Variants in FGD4 observed in about 807,000 individuals in gnomAD.
FGD4 encodes the protein FYVE, RhoGEF and PH domain containing 4.
A neutral mutation model predicts 102.0 loss-of-function variants in FGD4; 42 were observed. That is an observed-to-expected ratio of 0.41 (90% CI 0.32 to 0.53). The LOEUF (loss-of-function observed/expected upper bound fraction) is 0.53. Ranked by LOEUF, FGD4 falls within the 20% of genes least tolerant of loss-of-function variation. The pLI is 0.21. For synonymous variants in FGD4, 380 were observed against 375.7 expected (o/e 1.01, Z -0.13); for missense variants, 902 against 1,078.2 (o/e 0.84, Z 2.29).
intron 4 of FGD4, among the ~76,000 whole-genome samples, chr12:32,588,437 T>C (rs1024482854): frequency 1.3e-5 from 2 of 151,678 alleles, no homozygotes; most frequent in Non-Finnish European, 2.9e-5. Context: ...TGGCTATTAG[T>C]GTGAATTCAC....
chr12:32,445,935 G>A (rs1591916391), intron 1 of FGD4, among the ~76,000 whole-genome samples: 1 of 152,194 alleles, frequency 6.6e-6, no homozygotes, highest in East Asian at 1.9e-4. Flanking sequence ...GTGAGGCCAA[G>A]GTGGGCAGAT....
chr12:32,541,959 AG>A (rs1023324527), intron 1 of FGD4, among the ~76,000 whole-genome samples: 1 of 133,402 alleles, frequency 7.5e-6, no homozygotes, highest in South Asian at 2.2e-4. Flanking sequence ...TTTTTTCCTC[AG>A]GGAAAAAAAA....
At chr12:32,604,936 CTT>C (rs575943561) in intron 7 of FGD4, among the ~76,000 whole-genome samples, 5 of 94,538 alleles carry the variant, frequency 5.3e-5, no homozygotes, top group African/African-American at 5.0e-5. Flanking sequence ...TTTATAGCTG[CTT>C]TTTTTTTTTT....
intron 1 of FGD4, among the ~76,000 whole-genome samples, chr12:32,547,711 C>T (rs1943335410): frequency 1.3e-5 from 2 of 152,108 alleles, no homozygotes; most frequent in African/African-American, 2.4e-5. Context: ...ACTATGAAAT[C>T]CCAAGTCTTT....
rs1164617436 is a variant in FGD4 at position 32,582,025 on chromosome 12, C to CA, written c.570dup (p.Gly191ArgfsTer25). The CA allele has an allele frequency of 6.2e-7, 1 of 1,614,130 alleles. No homozygotes were observed. Among genetic ancestry groups the CA allele is most frequent in the South Asian group, 1.1e-5 (1 of 91,088 alleles). On this transcript the variant is annotated frameshift_variant, in exon 4 of 17. Coordinates refer to ENST00000534526, the MANE Select transcript of FGD4 (RefSeq NM_001370298.3). LOFTEE classifies it high-confidence loss of function. ...GTGAACCTAAATGCTCCTAGAACCC[C>CA]AGGAAGGCATGGATTGACAACCACA...
At chr12:32,637,155 C>T (rs1244746501) in intron 15 of FGD4, among the ~76,000 whole-genome samples, 1 of 149,466 alleles carries the variant, frequency 6.7e-6, no homozygotes, top group Non-Finnish European at 1.5e-5. Flanking sequence ...TCCCAAAGTG[C>T]GGGGATTACA....
At chr12:32,526,924 T>C (rs936336945) in intron 1 of FGD4, among the ~76,000 whole-genome samples, 15 of 152,176 alleles carry the variant, frequency 9.9e-5, no homozygotes, top group African/African-American at 3.4e-4. Context: ...TCAGATATAG[T>C]ATTACGTCGC....
chr12:32,625,024 A>G lies in FGD4; in HGVS notation c.2002A>G (p.Arg668Gly). 1 of 1,613,474 alleles carries G rather than the reference A, an allele frequency of 6.2e-7. No individual in the cohort carries two copies. Among genetic ancestry groups the G allele is most frequent in the Non-Finnish European group, 8.5e-7 (1 of 1,179,588 alleles). ...TTTTCATCAAAGGCATGAAACCTTC[A>G]GAAATGCAATTGCAAAGGATAATGA... is the stretch of plus-strand genomic sequence containing the variant. ...DAFHQRHETF[R>G]NAIAKDNDIH... Residue 668 changes from arginine to glycine, a missense_variant, in exon 13 of 17, where the codon AGA becomes GGA. This residue lies in a region of FGD4 where 459 missense variants were observed against 619.0 expected (regional missense o/e 0.74). Coordinates refer to ENST00000534526, the MANE Select transcript of FGD4 (RefSeq NM_001370298.3).
At chr12:32,600,654 A>G (rs746080354) in intron 5 of FGD4, 12 of 198,072 alleles carry the variant, frequency 6.1e-5, no homozygotes, top group Non-Finnish European at 1.1e-4. Flanking sequence ...TTTTCCCCCT[A>G]CATATCAGTG....
intron 1 of FGD4, among the ~76,000 whole-genome samples, chr12:32,503,895 G>T (rs1038738805): frequency 3.9e-5 from 6 of 152,250 alleles, no homozygotes; most frequent in African/African-American, 1.4e-4. Flanking sequence ...CCAGAAAAAG[G>T]CTGTGAGTGA....
chr12:32,601,368 A>G lies in FGD4; in HGVS notation c.1192A>G (p.Asn398Asp), dbSNP rs1196900345. 3 of 1,614,162 alleles carry G rather than the reference A, an allele frequency of 1.9e-6. No individual in the cohort carries two copies. The highest frequency in any genetic ancestry group is 2.5e-6 in the Non-Finnish European group (3 of 1,180,008). The change falls in exon 6 of 17, where the codon AAT becomes GAT. Residue 398 changes from asparagine to aspartate, a missense_variant. This residue lies in a region of FGD4 where 459 missense variants were observed against 619.0 expected (regional missense o/e 0.74). Transcript: ENST00000534526. ...AATCTTTTCTAATATTTCATCAATA[A>G]ATGCCTTCCATAGTAAATTCCTCTT... ...NKIFSNISSI[N>D]AFHSKFLLPE...
Position 32,528,082 on chromosome 12 carries a change from G to C in FGD4, c.167-36055G>C, listed in dbSNP as rs572849234. On this transcript the variant is annotated intron_variant, in intron 1 of 16. Coordinates refer to ENST00000534526, the MANE Select transcript of FGD4 (RefSeq NM_001370298.3). ...GCCTCCCAAGTAGCTGGAATTTCAAGCACATCCCACCACACCTGGCTGATT... is the reference window on the plus strand; with the variant it reads ...GCCTCCCAAGTAGCTGGAATTTCAACCACATCCCACCACACCTGGCTGATT... Among the ~76,000 whole-genome samples, 6 of 152,072 alleles carry C rather than the reference G, an allele frequency of 3.9e-5. No individual in the cohort carries two copies. In the South Asian group the frequency reaches 8.3e-4, roughly 21 times the overall value.
chr12:32,569,235 T>G (rs193156593), intron 2 of FGD4, among the ~76,000 whole-genome samples: 42 of 152,326 alleles, frequency 2.8e-4, no homozygotes, highest in African/African-American at 8.7e-4. Context: ...TTGTCCACCC[T>G]GCTTCTCCCC....
chr12:32,454,845 A>C (rs1170219082), intron 1 of FGD4, among the ~76,000 whole-genome samples: 1 of 152,184 alleles, frequency 6.6e-6, no homozygotes, highest in African/African-American at 2.4e-5. Context: ...TTGTTCTGAC[A>C]GTGTATCCTG....
intron 1 of FGD4, among the ~76,000 whole-genome samples, chr12:32,483,411 G>C (rs369026179): frequency 2.6e-5 from 4 of 152,190 alleles, no homozygotes; most frequent in African/African-American, 9.7e-5. Flanking sequence ...TGAATGAATA[G>C]TGAAAGGTTT....
At chr12:32,596,115 T>TTA (rs1451885164) in intron 4 of FGD4, among the ~76,000 whole-genome samples, 3 of 152,202 alleles carry the variant, frequency 2.0e-5, no homozygotes, top group Non-Finnish European at 4.4e-5. Flanking sequence ...TGCCTATACT[T>TTA]TATAATCTGC....
At chr12:32,632,713 ATTTT>A (rs372972257) in intron 14 of FGD4, among the ~76,000 whole-genome samples, 8 of 123,802 alleles carry the variant, frequency 6.5e-5, no homozygotes, top group African/African-American at 1.8e-4. Context: ...TTATTTATTT[ATTTT>A]TTTTTTTTGA....
chr12:32,604,620 C>G (rs779415350), intron 7 of FGD4, among the ~76,000 whole-genome samples: 6 of 152,210 alleles, frequency 3.9e-5, no homozygotes, highest in Non-Finnish European at 7.3e-5. Flanking sequence ...CTCTCACTCA[C>G]CTCAGGGATC....
At position 32,640,320 on chromosome 12, in the gene FGD4, G is replaced by A. The variant is rs1249630170; in HGVS notation, c.2499G>A (p.Val833=). ...QATIPLLGYV[V]DEMPRSADLP... ...CCATTCCACTTCTGGGCTATGTGGT[G>A]GATGAAATGCCAAGGAGCGCAGACC... Residue 833 remains valine, a synonymous_variant, in exon 17 of 17, where the codon GTG becomes GTA. Coordinates refer to ENST00000534526, the MANE Select transcript of FGD4 (RefSeq NM_001370298.3). 9 of 1,614,200 alleles carry A rather than the reference G, an allele frequency of 5.6e-6. No individual in the cohort carries two copies. The highest frequency in any genetic ancestry group is 1.7e-4 in the Middle Eastern group (1 of 6,058).
Sources: gnomAD v4.1 joint callset for allele counts (sites outside exome capture counted in the v4.1 genomes callset) on GRCh38, gnomAD v4.1.1 for gene constraint, gnomAD v4.1.1 regional missense constraint, MANE v1.5 for transcripts, NCBI Gene and HGNC (gene_info 2026-07-23, HGNC 2026-07-21) for gene names.